PTPRS: variants seen among roughly 807,000 people sequenced by gnomAD.
PTPRS encodes the protein protein tyrosine phosphatase receptor type S, also known as receptor-type tyrosine-protein phosphatase S.
A neutral mutation model predicts 215.3 loss-of-function variants in PTPRS; 63 were observed. That is an observed-to-expected ratio of 0.29 (90% CI 0.24 to 0.36). The LOEUF is 0.36. Ranked by LOEUF, PTPRS falls within the 10% of genes least tolerant of loss-of-function variation. The pLI is 1.00. For synonymous variants in PTPRS, 1,404 were observed against 1,191.4 expected (o/e 1.18, Z -3.68); for missense variants, 2,258 against 2,825.8 (o/e 0.80, Z 4.56).
Position 5,273,438 on chromosome 19 carries a change from A to G in PTPRS, c.379+4T>C, listed in dbSNP as rs909555911. 123 of 1,614,010 alleles carry G rather than the reference A, an allele frequency of 7.6e-5. No homozygotes were observed. The highest frequency in any genetic ancestry group is 9.7e-5 in the Non-Finnish European group (114 of 1,180,028). ...TCCTCCGCCCGCCCTGAGGAGCCCA[A>G]TACCTCGGAGGACAGTAAGCTTGGC... On this transcript the variant is annotated splice_donor_region_variant and intron_variant, in intron 4 of 37. Transcript: ENST00000262963.
intron 4 of PTPRS, among the ~76,000 whole-genome samples, chr19:5,269,336 T>A (rs1162567458): frequency 6.6e-6 from 1 of 151,622 alleles, no homozygotes. Flanking sequence ...AACAAAAACG[T>A]ACATCGCGAA....
intron 7 of PTPRS, 99 bp downstream of exon 7, chr19:5,260,706 G>A (rs1043224292): frequency 1.2e-5 from 18 of 1,446,500 alleles, no homozygotes; most frequent in African/African-American, 9.8e-5. Flanking sequence ...GGGTGGACAC[G>A]CATGGAAGGG....
rs2041363807 is a variant in PTPRS, at chr19:5,215,653, C to CG, written c.4097-59dup. On this transcript the variant is annotated intron_variant, in intron 26 of 37. Coordinates refer to ENST00000262963, the MANE Select transcript of PTPRS (RefSeq NM_002850.4). ...TCACTTGGGGGGCCAGCCGGGGACT[C>CG]GGGGGAGGGGGGTGATCTACGTGTG... is the stretch of plus-strand genomic sequence containing the variant. The CG allele has an allele frequency of 2.0e-5, 5 of 251,562 alleles. No individual in the cohort carries two copies. The South Asian group carries it at 2.1e-4, about 11-fold the overall frequency. The allele number at this position is 251,562 out of a possible 1,614,324, so 15.6% of individuals were successfully genotyped here.
intron 1 of PTPRS, among the ~76,000 whole-genome samples, chr19:5,301,346 C>T (rs1448331290): frequency 8.1e-5 from 12 of 148,084 alleles, no homozygotes; most frequent in Admixed American, 1.4e-4. Flanking sequence ...GACAGAGTCT[C>T]GCTCTGTCAC....
chr19:5,245,433 C>T (rs1234983848), intron 10 of PTPRS, among the ~76,000 whole-genome samples: 1 of 152,092 alleles, frequency 6.6e-6, no homozygotes, highest in African/African-American at 2.4e-5. Context: ...GGACTAAAGG[C>T]ATGCACCACT....
At chr19:5,207,454 A>C (rs1265096300) in intron 37 of PTPRS, among the ~76,000 whole-genome samples, 1 of 151,902 alleles carries the variant, frequency 6.6e-6, no homozygotes. Flanking sequence ...CGATCCTCCC[A>C]CCTCAGCCTC....
At chr19:5,269,755 T>C (rs1402235514) in intron 4 of PTPRS, among the ~76,000 whole-genome samples, 1 of 151,912 alleles carries the variant, frequency 6.6e-6, no homozygotes, top group Non-Finnish European at 1.5e-5. Flanking sequence ...ACACTGTGTC[T>C]ACTAAAAATA....
At chr19:5,251,686 CAG>C (rs2045097290) in intron 9 of PTPRS, among the ~76,000 whole-genome samples, 1 of 152,092 alleles carries the variant, frequency 6.6e-6, no homozygotes, top group African/African-American at 2.4e-5. Flanking sequence ...AGTGTTCCTG[CAG>C]AGTGACCCCC....
intron 2 of PTPRS, among the ~76,000 whole-genome samples, 175 bp from the exon 3 acceptor site, chr19:5,274,519 C>A (rs2047191060): frequency 6.6e-6 from 1 of 152,214 alleles, no homozygotes; most frequent in Non-Finnish European, 1.5e-5. Flanking sequence ...CCTCGCCCCC[C>A]ACCACGGCAC....
intron 4 of PTPRS, 79 bp downstream of exon 4, chr19:5,273,363 C>G (rs768606716): frequency 1.2e-6 from 2 of 1,603,300 alleles, no homozygotes; most frequent in Non-Finnish European, 1.7e-6. Context: ...TTTGGGGTAA[C>G]TTTCATGTAT....
chr19:5,316,335 G>A (rs776850012), intron 1 of PTPRS, among the ~76,000 whole-genome samples: 5 of 152,176 alleles, frequency 3.3e-5, no homozygotes, highest in South Asian at 4.1e-4. Flanking sequence ...CCTGTGTCCC[G>A]AGTCCAGCTC....
intron 2 of PTPRS, 125 bp from the exon 3 acceptor site, chr19:5,274,469 G>C (rs1456847058): frequency 4.3e-6 from 5 of 1,171,568 alleles, no homozygotes; most frequent in South Asian, 1.7e-5. Context: ...CCAATGAAGA[G>C]AGGAGGAGGA....
At chr19:5,217,881 C>T (rs2041626912) in intron 25 of PTPRS, among the ~76,000 whole-genome samples, 1 of 152,200 alleles carries the variant, frequency 6.6e-6, no homozygotes. Context: ...TGATTCAGTT[C>T]TCCTGGACTG....
chr19:5,216,661 A>G, intron 26 of PTPRS, 59 bp downstream of exon 26: 1 of 1,362,642 alleles, frequency 7.3e-7, no homozygotes, highest in Non-Finnish European at 1.0e-6. Context: ...GGAGAAACCA[A>G]AGAGGAAATG....
chr19:5,251,851 G>A (rs1191988309), intron 9 of PTPRS, among the ~76,000 whole-genome samples: 1 of 152,118 alleles, frequency 6.6e-6, no homozygotes, highest in African/African-American at 2.4e-5. Flanking sequence ...TAGGTAGGGA[G>A]GCGTGGCCAG....
In PTPRS at chr19:5,315,350, G is replaced by GCTTTTTTTTTTTTTTTTTTTTTTTTTTTT. The variant is rs2049835558; in HGVS notation, c.-95+25313_-95+25314insAAAAAAAAAAAAAAAAAAAAAAAAAAAAG. ...TCATGGAGAATTTTTATTTGAAAAG[G>GCTTTTTTTTTTTTTTTTTTTTTTTTTTTT]GTTTTTTTTTTTTTTTTTTTTTTTT... On this transcript the variant is annotated intron_variant, in intron 1 of 37. Transcript: ENST00000262963. Among the ~76,000 whole-genome samples the GCTTTTTTTTTTTTTTTTTTTTTTTTTTTT allele has an allele frequency of 6.9e-5, 7 of 101,298 alleles. 2 individuals carry two copies. The highest frequency in any genetic ancestry group is 8.1e-5 in the African/African-American group (2 of 24,602). The allele number at this position is 101,298 out of a possible 152,430, so 66.5% of individuals were successfully genotyped here.
intron 9 of PTPRS, among the ~76,000 whole-genome samples, chr19:5,249,088 A>G (rs1296208698): frequency 6.6e-6 from 1 of 152,214 alleles, no homozygotes; most frequent in Non-Finnish European, 1.5e-5. Context: ...TGGCAGGTGG[A>G]TCACCTGAGA....
chr19:5,265,348 C>CT, intron 4 of PTPRS, 152 bp from the exon 5 acceptor site: 1 of 686,748 alleles, frequency 1.5e-6, no homozygotes, highest in Non-Finnish European at 2.4e-6. Flanking sequence ...AGCCAGTTCT[C>CT]TCTCTTTTTT....
chr19:5,320,177 C>T lies in PTPRS; in HGVS notation c.-95+20487G>A, dbSNP rs1052935897. On this transcript the variant is annotated intron_variant, in intron 1 of 37. Coordinates refer to ENST00000262963, the MANE Select transcript of PTPRS (RefSeq NM_002850.4). ...TTCCTGTCCCTGTTGGCAAGCCAGG[C>T]CCCTGCCCTCTGCCATCCGGCGGCT... 2.0e-5 allele frequency among the ~76,000 whole-genome samples: 3 copies of T among 152,236 alleles called. No homozygotes were observed. The South Asian group carries it at 6.2e-4, about 31-fold the overall frequency.
Sources: allele counts gnomAD v4.1 joint callset (sites outside exome capture counted in the v4.1 genomes callset), GRCh38; gene constraint gnomAD v4.1.1; transcripts MANE v1.5; gene names NCBI Gene and HGNC (gene_info 2026-07-23, HGNC 2026-07-21).